RAC2: variants seen among roughly 807,000 people sequenced by gnomAD.
RAC2 encodes ras-related C3 botulinum toxin substrate 2.
A neutral mutation model predicts 24.0 loss-of-function variants in RAC2; 1 was observed. The observed-to-expected ratio is 0.04, with a 90% CI of 0.01 to 0.20. The LOEUF (loss-of-function observed/expected upper bound fraction) is 0.20. Ranked by LOEUF, RAC2 falls within the 10% of genes least tolerant of loss-of-function variation. The pLI is 1.00. For synonymous variants in RAC2, 114 were observed against 106.8 expected (o/e 1.07, Z -0.41); for missense variants, 130 against 259.1 (o/e 0.50, Z 3.42).
chr22:37,236,145 T>C (rs1927215214), intron 2 of RAC2, among the ~76,000 whole-genome samples: 1 of 152,072 alleles, frequency 6.6e-6, no homozygotes, highest in South Asian at 2.1e-4. Flanking sequence ...GAGGGGAAAA[T>C]ACCTATTTCT....
Position 37,231,132 on chromosome 22 carries a change from C to A in RAC2, c.448+99G>T. ...GCACAGCACAGCTGAGTTCAAACTG[C>A]ACAGCCTGGCCCTGCAGCCCGTGTT... On this transcript the variant is annotated intron_variant, in intron 5 of 6. Transcript: ENST00000249071. This position sits in a 1 kb window ranked among gnomAD's most constrained non-coding sequence, Gnocchi z 5.5. The A allele has an allele frequency of 6.9e-7, 1 of 1,454,152 alleles. No homozygotes were observed. Among genetic ancestry groups the A allele is most frequent in the Non-Finnish European group, 9.6e-7 (1 of 1,043,538 alleles). 90.1% of individuals were successfully genotyped at this position (1,454,152 alleles called of 1,614,324 possible).
rs369134505 is a variant in RAC2 at position 37,231,186 on chromosome 22, G to T, written c.448+45C>A. On this transcript the variant is annotated intron_variant, in intron 5 of 6. Coordinates refer to ENST00000249071, the MANE Select transcript of RAC2 (RefSeq NM_002872.5). This position sits in a 1 kb window ranked among gnomAD's most constrained non-coding sequence, Gnocchi z 5.5. ...AATCACACCACGAGGCCAAGTCAGG[G>T]CCTCCCCTGCAGCCAGATCGCCCCT... The T allele has an allele frequency of 1.9e-5, 31 of 1,609,446 alleles. No individual in the cohort carries two copies. Among genetic ancestry groups the T allele is most frequent in the Non-Finnish European group, 2.6e-5 (31 of 1,177,750 alleles).
At chr22:37,239,122 C>G (rs557080795) in intron 2 of RAC2, among the ~76,000 whole-genome samples, 2 of 152,300 alleles carry the variant, frequency 1.3e-5, no homozygotes, top group East Asian at 3.9e-4. Context: ...ATTTTACCCT[C>G]CCTTCACAGG....
intron 2 of RAC2, among the ~76,000 whole-genome samples, chr22:37,239,309 A>T (rs180937295): frequency 3.9e-5 from 6 of 152,352 alleles, no homozygotes; most frequent in Non-Finnish European, 7.3e-5. Flanking sequence ...TTCAAGATGT[A>T]GACATCAGAG....
Position 37,241,496 on chromosome 22 carries a change from G to T in RAC2, c.107+91C>A, listed in dbSNP as rs73881654. ...TGGAGGCTGTGGGTGCCCACACAGG[G>T]TCTGGCCCACAGGAAGTGCCTGAAA... is the stretch of plus-strand genomic sequence containing the variant. On this transcript the variant is annotated intron_variant, in intron 2 of 6. Transcript: ENST00000249071. 1,352 of 1,340,742 alleles carry T rather than the reference G, an allele frequency of 1.0e-3. 7 individuals are homozygous for T. The African/African-American group carries it at 0.018, about 18-fold the overall frequency. 83.1% of individuals were successfully genotyped at this position (1,340,742 alleles called of 1,614,324 possible). A position where few individuals can be genotyped will look rare whatever the true frequency, so the allele number is the denominator to read the frequency against.
At chr22:37,232,953 T>G (rs9610684) in intron 2 of RAC2, 35 bp from the exon 3 acceptor site, 187,051 of 1,507,436 alleles carry the variant, frequency 0.12, 12,339 homozygotes, top group East Asian at 0.24. Flanking sequence ...GTAAGGTCAA[T>G]CTCAAACCCC....
intron 2 of RAC2, among the ~76,000 whole-genome samples, chr22:37,239,140 G>T (rs1004653619): frequency 1.3e-5 from 2 of 152,150 alleles, no homozygotes; most frequent in Non-Finnish European, 2.9e-5. Context: ...AGGGGCACAG[G>T]CATTGGCAGT....
Position 37,226,890 on chromosome 22 carries a change from TCCACGCCATACACCCCTC to T in RAC2, c.449-105_449-88del, listed in dbSNP as rs1323421862. The T allele has an allele frequency of 4.2e-5, 62 of 1,483,328 alleles. 1 individual carries two copies. The highest frequency in any genetic ancestry group is 1.1e-4 in the South Asian group (10 of 87,490). 91.9% of individuals were successfully genotyped at this position (1,483,328 alleles called of 1,614,324 possible). A position where few individuals can be genotyped will look rare whatever the true frequency, so the allele number is the denominator to read the frequency against. On this transcript the variant is annotated intron_variant, in intron 5 of 6. Coordinates refer to ENST00000249071, the MANE Select transcript of RAC2 (RefSeq NM_002872.5). ...ATGTCTCCTATGCCATACAACCCCT[TCCACGCCATACACCCCTC>T]CCACGCCATACACCCCTCCCACGCC...
chr22:37,239,231 A>G (rs1428175067), intron 2 of RAC2, among the ~76,000 whole-genome samples: 1 of 152,142 alleles, frequency 6.6e-6, no homozygotes, highest in African/African-American at 2.4e-5. Flanking sequence ...GGCAGGATTC[A>G]CCACAGAACT....
chr22:37,240,922 A>G, intron 2 of RAC2: 1 of 674,122 alleles, frequency 1.5e-6, no homozygotes, highest in South Asian at 1.6e-5. Flanking sequence ...GCAGAGTGTG[A>G]AGCAAAGTAA....
At chr22:37,237,788 G>A (rs1569091546) in intron 2 of RAC2, among the ~76,000 whole-genome samples, 2 of 152,134 alleles carry the variant, frequency 1.3e-5, no homozygotes, top group African/African-American at 4.8e-5. Flanking sequence ...CGCGATGGCA[G>A]GGAGTGAGGC....
intron 2 of RAC2, among the ~76,000 whole-genome samples, chr22:37,234,245 G>T (rs909958357): frequency 1.3e-5 from 2 of 152,238 alleles, no homozygotes; most frequent in African/African-American, 4.8e-5. Context: ...CCCAACGAAT[G>T]CTGGGAGGGC....
At position 37,231,880 on chromosome 22, in the gene RAC2, C is replaced by T; in HGVS notation, c.288+52G>A. ...TAGAGTCACCAGTTCCTCCCTCTGTCCCTCAGGGTTACCTGCCCCAGAGCC... is the reference window on the plus strand; with the variant it reads ...TAGAGTCACCAGTTCCTCCCTCTGTTCCTCAGGGTTACCTGCCCCAGAGCC... On this transcript the variant is annotated intron_variant, in intron 4 of 6. Transcript: ENST00000249071. This position sits in a 1 kb window ranked among gnomAD's most constrained non-coding sequence, Gnocchi z 5.5. 6.5e-7 allele frequency: 1 copy of T among 1,536,594 alleles called. No individual in the cohort carries two copies. The highest frequency in any genetic ancestry group is 2.4e-5 in the East Asian group (1 of 40,864).
chr22:37,241,006 A>T, intron 2 of RAC2: 1 of 716,748 alleles, frequency 1.4e-6, no homozygotes, highest in Non-Finnish European at 2.6e-6. Flanking sequence ...GGAGTCGGGG[A>T]AATGTCCTAG....
At chr22:37,242,363 A>C (rs1927425221) in intron 1 of RAC2, among the ~76,000 whole-genome samples, 1 of 152,194 alleles carries the variant, frequency 6.6e-6, no homozygotes, top group South Asian at 2.1e-4. Flanking sequence ...CCCACCTGTA[A>C]AATGGACCTA....
Position 37,236,286 on chromosome 22 carries a change from C to A in RAC2, c.108-3368G>T, listed in dbSNP as rs566375376. Reference sequence around the variant, plus strand: ...GCCACAGGGCCCCTCCCCAGAGGACCAGAGGGACAGGTGCAGGAATGTGTC... The same window carrying A: ...GCCACAGGGCCCCTCCCCAGAGGACAAGAGGGACAGGTGCAGGAATGTGTC... On this transcript the variant is annotated intron_variant, in intron 2 of 6. Coordinates refer to ENST00000249071, the MANE Select transcript of RAC2 (RefSeq NM_002872.5). Among the ~76,000 whole-genome samples the A allele has an allele frequency of 1.3e-5, 2 of 152,288 alleles. 1 individual carries two copies. Among genetic ancestry groups the A allele is most frequent in the South Asian group, 4.1e-4 (2 of 4,826 alleles).
Position 37,231,244 on chromosome 22 carries a change from C to T in RAC2, c.435G>A (p.Leu145=). The T allele has an allele frequency of 6.2e-7, 1 of 1,613,524 alleles. No individual in the cohort carries two copies. Among genetic ancestry groups the T allele is most frequent in the South Asian group, 1.1e-5 (1 of 91,056 alleles). ...APITYPQGLA[L]AKEIDSVKYL... is the part of the protein sequence containing the mutation. ...CGAGGCCCATACCAATCTCCTTGGC[C>T]AGTGCCAGGCCCTGCGGGTAGGTGA... The change falls in exon 5 of 7, where the codon CTG becomes CTA. Residue 145 remains leucine (L), a synonymous_variant. Transcript: ENST00000249071. This position sits in a 1 kb window ranked among gnomAD's most constrained non-coding sequence, Gnocchi z 5.5.
At chr22:37,230,901 GA>G (rs1927039222) in intron 5 of RAC2, among the ~76,000 whole-genome samples, 1 of 152,144 alleles carries the variant, frequency 6.6e-6, no homozygotes, top group African/African-American at 2.4e-5. Flanking sequence ...TCTATTAATA[GA>G]TACTACTCAT....
chr22:37,232,614 G>T, intron 3 of RAC2, 187 bp downstream of exon 3: 1 of 630,220 alleles, frequency 1.6e-6, no homozygotes, highest in Non-Finnish European at 2.9e-6. Flanking sequence ...GGGAACCAAT[G>T]CAGGGCTGAG....
Sources: gnomAD v4.1 joint callset for allele counts (sites outside exome capture counted in the v4.1 genomes callset) on GRCh38, gnomAD v4.1.1 for gene constraint, Gnocchi (gnomAD v3.1) non-coding constraint, MANE v1.5 for transcripts, NCBI Gene and HGNC (gene_info 2026-07-23, HGNC 2026-07-21) for gene names.